CCP110: variants seen among roughly 807,000 people sequenced by gnomAD.
The protein encoded by CCP110 is centriolar coiled-coil protein of 110 kDa.
A neutral mutation model predicts 105.5 loss-of-function variants in CCP110; 43 were observed. The ratio of observed to expected loss-of-function variants is 0.41; its 90% CI spans 0.32 to 0.53. The LOEUF is 0.53. CCP110 is among the 20% of genes least tolerant of loss of function. The probability of loss-of-function intolerance (pLI) is 0.32; values close to 1 mark genes in which losing one functional copy is unlikely to be tolerated. For synonymous variants in CCP110, 353 were observed against 392.1 expected (o/e 0.90, Z 1.18); for missense variants, 1,016 against 1,189.1 (o/e 0.85, Z 2.14).
chr16:19,541,794 T>C, intron 5 of CCP110, 93 bp from the exon 6 acceptor site: 1 of 587,188 alleles, frequency 1.7e-6, no homozygotes, highest in Non-Finnish European at 2.8e-6. Flanking sequence ...TAATTGCTGA[T>C]AATTACATGT....
chr16:19,536,455 C>A (rs762322747), exon 4 of CCP110: 1 of 1,613,754 alleles, frequency 6.2e-7, no homozygotes, highest in African/African-American at 1.3e-5. Context: ...GTCATTTAGA[C>A]AAAGAACATG....
chr16:19,541,415 C>T (rs1432133241), intron 5 of CCP110, among the ~76,000 whole-genome samples: 2 of 152,100 alleles, frequency 1.3e-5, no homozygotes, highest in South Asian at 2.1e-4. Context: ...GATGGATCAC[C>T]TGAGGTCAGG....
intron 8 of CCP110, 55 bp from the exon 9 acceptor site, chr16:19,544,742 A>C: frequency 1.4e-5 from 12 of 888,828 alleles, no homozygotes; most frequent in Non-Finnish European, 1.7e-5. Context: ...AGCAAACTCC[A>C]GTGATCACAA....
At chr16:19,542,045 T>G in exon 6 of CCP110, 1 of 1,575,226 alleles carries the variant, frequency 6.3e-7, no homozygotes, top group Non-Finnish European at 8.6e-7. Context: ...CACTCCATAC[T>G]TCAAATTCAA....
chr16:19,543,043 T>C, intron 8 of CCP110, 49 bp downstream of exon 8: 1 of 1,061,428 alleles, frequency 9.4e-7, no homozygotes, highest in Non-Finnish European at 1.5e-6. Flanking sequence ...TTAGTTTCTA[T>C]CAGTCTTGTG....
chr16:19,530,242 A>C (rs891288172), intron 2 of CCP110, among the ~76,000 whole-genome samples: 1 of 152,058 alleles, frequency 6.6e-6, no homozygotes, highest in Non-Finnish European at 1.5e-5. Flanking sequence ...AAGAGACCAG[A>C]GCTATTGTCT....
At chr16:19,532,834 T>C (rs561841194) in intron 3 of CCP110, among the ~76,000 whole-genome samples, 5 of 152,310 alleles carry the variant, frequency 3.3e-5, no homozygotes, top group Admixed American at 3.3e-4. Context: ...GAATTCTCAG[T>C]GACAAAATGA....
chr16:19,535,622 G>T (rs1319282565), intron 3 of CCP110, among the ~76,000 whole-genome samples: 1 of 152,132 alleles, frequency 6.6e-6, no homozygotes, highest in Non-Finnish European at 1.5e-5. Flanking sequence ...AGATTAAATT[G>T]CACATGGATA....
exon 4 of CCP110, chr16:19,537,219 C>G (rs747547368): frequency 1.3e-5 from 21 of 1,613,992 alleles, no homozygotes; most frequent in Non-Finnish European, 1.7e-5. Context: ...ATAGCAAGTC[C>G]AAACTTTGGA....
chr16:19,545,796 C>T lies in CCP110; in HGVS notation c.2704-21C>T, dbSNP rs186110926. ...ATTAATTGGTTCCAGTAGAGTTTGA[C>T]GTTACTTTTGTATATTAAAGGATAA... On this transcript the variant is annotated intron_variant, in intron 10 of 14. Transcript: ENST00000381396. 4.8e-4 allele frequency: 689 copies of T among 1,423,326 alleles called. 5 individuals are homozygous for T. The African/African-American group carries it at 8.7e-3, about 18-fold the overall frequency. 88.2% of individuals were successfully genotyped at this position (1,423,326 alleles called of 1,614,324 possible).
chr16:19,540,317 A>G (rs1400004574), intron 4 of CCP110, among the ~76,000 whole-genome samples: 1 of 152,250 alleles, frequency 6.6e-6, no homozygotes, highest in South Asian at 2.1e-4. Context: ...ACAAGTGTCA[A>G]AAAAACAAAT....
chr16:19,546,414 C>T lies in CCP110; in HGVS notation c.2780C>T (p.Ala927Val). Residue 927 changes from alanine (A) to valine (V), a missense_variant and splice_region_variant, in exon 12 of 15, where the codon GCT (alanine) becomes GTT (valine). Physicochemically the swap from Ala to Val is moderately conservative, Grantham distance 64. Transcript: ENST00000381396. Reference sequence around the variant, plus strand: ...TCCTTATTTTTATATTGTGTTAGAGCTGCTGAAATGGGAATGCCAAATAAG... The same window carrying T: ...TCCTTATTTTTATATTGTGTTAGAGTTGCTGAAATGGGAATGCCAAATAAG... The T allele has an allele frequency of 6.4e-7, 1 of 1,556,550 alleles. No homozygotes were observed. Among genetic ancestry groups the T allele is most frequent in the South Asian group, 1.1e-5 (1 of 89,446 alleles).
Position 19,548,505 on chromosome 16 carries a change from A to G in CCP110, c.2901-10A>G, listed in dbSNP as rs566645479. 15 of 1,507,572 alleles carry G rather than the reference A, an allele frequency of 9.9e-6. 1 individual carries two copies. The South Asian group carries it at 1.6e-4, about 16-fold the overall frequency. The allele number at this position is 1,507,572 out of a possible 1,614,324, so 93.4% of individuals were successfully genotyped here. A position where few individuals can be genotyped will look rare whatever the true frequency, so the allele number is the denominator to read the frequency against. ...GCCAGTGACTTATTAATTTTTTTAT[A>G]TTCAATTAGAACCCCTAAGACATCA... On this transcript the variant is annotated splice_polypyrimidine_tract_variant and intron_variant, in intron 13 of 14. Coordinates refer to ENST00000381396, the Ensembl canonical transcript of CCP110. This position sits in a 1 kb window ranked among gnomAD's most constrained non-coding sequence, Gnocchi z 4.1.
chr16:19,536,188 A>T, exon 4 of CCP110: 1 of 1,614,154 alleles, frequency 6.2e-7, no homozygotes, highest in Admixed American at 1.7e-5. Context: ...CTCCGAAGCA[A>T]TGTGATAGTT....
rs994953852 is a variant in CCP110, at chr16:19,548,625, G to A, written c.2986+25G>A. On this transcript the variant is annotated intron_variant, in intron 14 of 14. Coordinates refer to ENST00000381396, the Ensembl canonical transcript of CCP110. This position sits in a 1 kb window ranked among gnomAD's most constrained non-coding sequence, Gnocchi z 4.1. ...GGTTTGTAGAAAATAAATTCCTGAA[G>A]CCCATTCAATAGAAGGAAGTGCACA... 28 of 1,443,852 alleles carry A rather than the reference G, an allele frequency of 1.9e-5. No individual in the cohort carries two copies. The South Asian group carries it at 3.0e-4, about 15-fold the overall frequency. 89.4% of individuals were successfully genotyped at this position (1,443,852 alleles called of 1,614,324 possible).
chr16:19,551,505 A>C, exon 15 of CCP110: 1 of 462,224 alleles, frequency 2.2e-6, no homozygotes, highest in Non-Finnish European at 3.9e-6. Flanking sequence ...ATACAAACAT[A>C]AGTTTATTTT....
intron 3 of CCP110, among the ~76,000 whole-genome samples, chr16:19,533,625 A>G (rs1397775542): frequency 1.3e-5 from 2 of 152,362 alleles, no homozygotes; most frequent in African/African-American, 2.4e-5. Flanking sequence ...TGCATTTTAC[A>G]TAGGATAAAG....
intron 2 of CCP110, among the ~76,000 whole-genome samples, chr16:19,531,269 G>A (rs1046443939): frequency 1.3e-5 from 2 of 152,194 alleles, no homozygotes; most frequent in Non-Finnish European, 2.9e-5. Flanking sequence ...TAAGCAAAAT[G>A]TGATGTTTAT....
chr16:19,543,495 C>T (rs1475864548), intron 8 of CCP110, among the ~76,000 whole-genome samples: 1 of 152,122 alleles, frequency 6.6e-6, no homozygotes, highest in African/African-American at 2.4e-5. Flanking sequence ...ATCAGTGCAA[C>T]TTGAAAAAGA....
Sources: gnomAD v4.1 joint callset for allele counts (sites outside exome capture counted in the v4.1 genomes callset) on GRCh38, gnomAD v4.1.1 for gene constraint, Gnocchi (gnomAD v3.1) non-coding constraint, MANE v1.5 for transcripts, NCBI Gene and HGNC (gene_info 2026-07-23, HGNC 2026-07-21) for gene names.